Variants in G6PC3 observed in about 807,000 individuals in gnomAD.
G6PC3 encodes glucose-6-phosphatase 3.
In G6PC3, 30 loss-of-function variants were observed where a neutral mutation model predicts 38.6. The ratio of observed to expected loss-of-function variants is 0.78; its 90% CI spans 0.58 to 1.05. G6PC3 has a LOEUF of 1.05. G6PC3 is among the 50% of genes least tolerant of loss of function. The pLI is 0.00. For synonymous variants in G6PC3, 192 were observed against 178.1 expected (o/e 1.08, Z -0.62); for missense variants, 377 against 443.1 (o/e 0.85, Z 1.34).
chr17:44,075,138 G>C (rs776358965), intron 4 of G6PC3, 51 bp downstream of exon 4: 3 of 1,533,090 alleles, frequency 2.0e-6, no homozygotes, highest in African/African-American at 2.7e-5. Flanking sequence ...TTGGCAGTGG[G>C]AGGATCAGTC....
chr17:44,071,764 C>T lies in G6PC3; in HGVS notation c.218+581C>T, dbSNP rs184750484. On this transcript the variant is annotated intron_variant, in intron 1 of 5. Coordinates refer to ENST00000269097, the MANE Select transcript of G6PC3 (RefSeq NM_138387.4). ...GCTAAAAACGCAGACTCTCAGGCCC[C>T]GGGCCAGAGCTACTGAATCAAAATC... The T allele has an allele frequency of 1.7e-3, 989 of 568,106 alleles. 2 individuals are homozygous for T. The highest frequency in any genetic ancestry group is 3.1e-3 in the Admixed American group (133 of 42,684). The allele number at this position is 568,106 out of a possible 1,614,324, so 35.2% of individuals were successfully genotyped here.
chr17:44,074,196 T>C lies in G6PC3; in HGVS notation c.255T>C (p.His85=). 6.2e-7 allele frequency: 1 copy of C among 1,613,842 alleles called. No individual in the cohort carries two copies. The highest frequency in any genetic ancestry group is 8.5e-7 in the Non-Finnish European group (1 of 1,179,760). ...LFGDRPFWWV[H]ESGYYSQAPA... ...GAGACAGGCCCTTTTGGTGGGTCCA[T>C]GAGTCTGGTTACTACAGCCAGGCTC... is the stretch of plus-strand genomic sequence containing the variant. Residue 85 remains histidine, a synonymous_variant, in exon 2 of 6, where the codon CAT becomes CAC. Coordinates refer to ENST00000269097, the MANE Select transcript of G6PC3 (RefSeq NM_138387.4).
rs765317970 is a variant in G6PC3 at position 44,071,139 on chromosome 17, C to G, written c.174C>G (p.Leu58=). The G allele has an allele frequency of 1.9e-6, 3 of 1,613,996 alleles. No individual in the cohort carries two copies. Among genetic ancestry groups the G allele is most frequent in the Admixed American group, 1.7e-5 (1 of 60,022 alleles). The change falls in exon 1 of 6, where the codon CTC becomes CTG. Residue 58 remains leucine (L), a synonymous_variant. Transcript: ENST00000269097. ...CCCGCCGTGTGGGCATCGCGGTGCTCTGGATCAGCCTCATCACCGAGTGGC... is the reference window on the plus strand; with the variant it reads ...CCCGCCGTGTGGGCATCGCGGTGCTGTGGATCAGCCTCATCACCGAGTGGC... ...YASRRVGIAV[L]WISLITEWLN... is the part of the protein sequence containing the mutation.
rs1195666890 is a variant in G6PC3 at position 44,075,664 on chromosome 17, CTCT to C, written c.678-10_678-8del. Reference sequence around the variant, plus strand: ...ATGTTCCAGCCTCTCCTGGCAAGAACTCTTCTTCCCCACAGGTCCATCAGCCTA... The same window carrying C: ...ATGTTCCAGCCTCTCCTGGCAAGAACTCTTCCCCACAGGTCCATCAGCCTA... On this transcript the variant is annotated splice_polypyrimidine_tract_variant and intron_variant, in intron 5 of 5. Coordinates refer to ENST00000269097, the MANE Select transcript of G6PC3 (RefSeq NM_138387.4). 1 of 1,609,428 alleles carries C rather than the reference CTCT, an allele frequency of 6.2e-7. No homozygotes were observed. The highest frequency in any genetic ancestry group is 1.1e-5 in the South Asian group (1 of 91,092).
In G6PC3 at chr17:44,070,804, G is replaced by C. The variant is rs536609615; in HGVS notation, c.-162G>C. 22 of 759,510 alleles carry C rather than the reference G, an allele frequency of 2.9e-5. No individual in the cohort carries two copies. Among genetic ancestry groups the C allele is most frequent in the East Asian group, 5.4e-5 (2 of 37,330 alleles). The allele number at this position is 759,510 out of a possible 1,614,324, so 47.0% of individuals were successfully genotyped here. ...GGCTGGAGGCCGGTCTTGCAGGAGC[G>C]GGGGACTGCTGGGGGCGGGGCTTGG... On this transcript the variant is annotated 5_prime_UTR_variant, in exon 1 of 6. Coordinates refer to ENST00000269097, the MANE Select transcript of G6PC3 (RefSeq NM_138387.4).
In G6PC3 at chr17:44,074,241, C is replaced by A. The variant is rs1336165706; in HGVS notation, c.300C>A (p.Phe100Leu). Reference protein sequence around the residue: ...YSQAPAQVHQFPSSCETGPGS... With the variant: ...YSQAPAQVHQLPSSCETGPGS... The stretch of plus-strand genomic sequence containing the variant: ...AGGCTCCAGCCCAGGTTCACCAGTT[C>A]CCCTCTTCTTGTGAGACTGGTCCAG... The change falls in exon 2 of 6, where the codon TTC becomes TTA. Residue 100 changes from phenylalanine (F) to leucine (L), a missense_variant. Physicochemically the swap from Phe to Leu is conservative, Grantham distance 22. Coordinates refer to ENST00000269097, the MANE Select transcript of G6PC3 (RefSeq NM_138387.4). The A allele has an allele frequency of 2.4e-5, 38 of 1,613,350 alleles. No homozygotes were observed. The highest frequency in any genetic ancestry group is 3.1e-5 in the Non-Finnish European group (37 of 1,179,418).
At chr17:44,071,668 C>CAG in intron 1 of G6PC3, 1 of 1,283,596 alleles carries the variant, frequency 7.8e-7, no homozygotes, top group Non-Finnish European at 1.0e-6. Context: ...CTGCTAAGGA[C>CAG]AGAGACACCT....
At position 44,075,674 on chromosome 17, in the gene G6PC3, C is replaced by T. The variant is rs200982052; in HGVS notation, c.678-6C>T. On this transcript the variant is annotated splice_region_variant and splice_polypyrimidine_tract_variant and intron_variant, in intron 5 of 5. Transcript: ENST00000269097. Reference sequence around the variant, plus strand: ...CTCTCCTGGCAAGAACTCTTCTTCCCCACAGGTCCATCAGCCTAGCCTTCA... The same window carrying T: ...CTCTCCTGGCAAGAACTCTTCTTCCTCACAGGTCCATCAGCCTAGCCTTCA... 2.5e-6 allele frequency: 4 copies of T among 1,610,296 alleles called. No individual in the cohort carries two copies. Among genetic ancestry groups the T allele is most frequent in the Non-Finnish European group, 3.4e-6 (4 of 1,180,002 alleles).
At chr17:44,072,627 CTT>C (rs57662252) in intron 1 of G6PC3, 125 of 127,448 alleles carry the variant, frequency 9.8e-4, no homozygotes, top group South Asian at 2.7e-3. Flanking sequence ...ACCTGGCATT[CTT>C]TTTTTTTTTT....
chr17:44,076,110 G>A lies in G6PC3; in HGVS notation c.*67G>A, dbSNP rs11544393. 1.5e-3 allele frequency: 2,470 copies of A among 1,597,658 alleles called. 5 individuals are homozygous for A. The highest frequency in any genetic ancestry group is 2.0e-3 in the Non-Finnish European group (2,368 of 1,175,058). ...ACACTCTGTGACCACCACACTCCAG[G>A]AGGCAGCCCCATCCCCTTCCAGCCC... On this transcript the variant is annotated 3_prime_UTR_variant, in exon 6 of 6. Transcript: ENST00000269097.
intron 4 of G6PC3, 73 bp downstream of exon 4, chr17:44,075,160 C>T: frequency 6.7e-7 from 1 of 1,488,204 alleles, no homozygotes; most frequent in Non-Finnish European, 9.4e-7. Flanking sequence ...AGGATCTTCC[C>T]ATCGCTCCCA....
Position 44,070,817 on chromosome 17 carries a change from GGGCGGGGCTTGGTGGTGACCGCTGGC to G in G6PC3, c.-146_-121del. The G allele has an allele frequency of 1.2e-6, 1 of 825,848 alleles. No homozygotes were observed. Among genetic ancestry groups the G allele is most frequent in the Non-Finnish European group, 2.0e-6 (1 of 503,696 alleles). The allele number at this position is 825,848 out of a possible 1,614,324, so 51.2% of individuals were successfully genotyped here. On this transcript the variant is annotated 5_prime_UTR_variant, in exon 1 of 6. Transcript: ENST00000269097. The stretch of plus-strand genomic sequence containing the variant: ...TCTTGCAGGAGCGGGGGACTGCTGG[GGGCGGGGCTTGGTGGTGACCGCTGGC>G]GGGGCGGGGCCTGGGGCTCAGAGGG...
chr17:44,074,410 C>A, intron 2 of G6PC3, 144 bp downstream of exon 2: 1 of 780,322 alleles, frequency 1.3e-6, no homozygotes, highest in Non-Finnish European at 2.3e-6. Context: ...CCAGGGAGAC[C>A]AAGCTGAGTT....
Position 44,074,955 on chromosome 17 carries a change from T to A in G6PC3, c.417-14T>A. 1.9e-6 allele frequency: 3 copies of A among 1,608,422 alleles called. No individual in the cohort carries two copies. The highest frequency in any genetic ancestry group is 2.6e-6 in the Non-Finnish European group (3 of 1,174,754). On this transcript the variant is annotated splice_polypyrimidine_tract_variant and intron_variant, in intron 3 of 5. Transcript: ENST00000269097. ...ATGGACACGCTCTGAGCTCCTTGCC[T>A]CTCTTCTTTCTAGCCGCTGGGTAAG...
At chr17:44,075,539 A>C in intron 5 of G6PC3, 88 bp downstream of exon 5, 1 of 1,599,268 alleles carries the variant, frequency 6.3e-7, no homozygotes. Flanking sequence ...CATTATAGCT[A>C]AAAAAGGACA....
intron 3 of G6PC3, 79 bp from the exon 4 acceptor site, chr17:44,074,890 A>T: frequency 1.4e-6 from 2 of 1,454,120 alleles, no homozygotes; most frequent in Non-Finnish European, 1.9e-6. Context: ...GTGTGGTTCA[A>T]CCATGGAGTA....
chr17:44,074,277 TCAAA>T lies in G6PC3; in HGVS notation c.325+14_325+17del, dbSNP rs778393167. The T allele has an allele frequency of 1.8e-5, 28 of 1,569,946 alleles. No homozygotes were observed. The highest frequency in any genetic ancestry group is 2.1e-5 in the Non-Finnish European group (24 of 1,139,730). ...GTGAGACTGGTCCAGGTGGGAAGCC[TCAAA>T]CATTCTCCCTTTCCCAATGTGGTTA... On this transcript the variant is annotated intron_variant, in intron 2 of 5. Coordinates refer to ENST00000269097, the MANE Select transcript of G6PC3 (RefSeq NM_138387.4).
rs1213977321 is a variant in G6PC3 at position 44,075,390 on chromosome 17, C to T, written c.616C>T (p.Leu206Phe). 5 of 1,614,162 alleles carry T rather than the reference C, an allele frequency of 3.1e-6. No individual in the cohort carries two copies. The highest frequency in any genetic ancestry group is 4.2e-6 in the Non-Finnish European group (5 of 1,180,020). ...LSFYGLTALALMLGTSLIYWT... is the reference protein window; with the variant it reads ...LSFYGLTALAFMLGTSLIYWT... Reference sequence around the variant, plus strand: ...CTTCTATGGGTTGACTGCACTGGCCCTCATGCTAGGCACCAGCCTCATCTA... The same window carrying T: ...CTTCTATGGGTTGACTGCACTGGCCTTCATGCTAGGCACCAGCCTCATCTA... The change falls in exon 5 of 6, where the codon CTC becomes TTC. Residue 206 changes from leucine to phenylalanine, a missense_variant. By Grantham distance (22) the Leu-to-Phe change is conservative. Transcript: ENST00000269097.
Position 44,070,912 on chromosome 17 carries a change from G to A in G6PC3, c.-54G>A. The stretch of plus-strand genomic sequence containing the variant: ...AGGGTCGACGCTGCTTCGTTGCCTG[G>A]ACTCTGGTTTCCGCCCTGGAGCAAG... On this transcript the variant is annotated 5_prime_UTR_variant, in exon 1 of 6. Transcript: ENST00000269097. 6.5e-7 allele frequency: 1 copy of A among 1,538,676 alleles called. No homozygotes were observed. Among genetic ancestry groups the A allele is most frequent in the Non-Finnish European group, 8.7e-7 (1 of 1,145,120 alleles).
Sources: gnomAD v4.1 joint callset for allele counts on GRCh38, gnomAD v4.1.1 for gene constraint, MANE v1.5 for transcripts, NCBI Gene and HGNC (gene_info 2026-07-23, HGNC 2026-07-21) for gene names.